The following CCSER1 variants were observed in gnomAD, a reference collection of about 807,000 sequenced individuals.
CCSER1 encodes the protein serine-rich coiled-coil domain-containing protein 1.
Under a neutral mutation model 82.0 loss-of-function variants are expected in CCSER1, and 41 were observed. That is an observed-to-expected ratio of 0.50 (90% confidence interval 0.39 to 0.65). The LOEUF (loss-of-function observed/expected upper bound fraction) is 0.65. Among genes scored for constraint, CCSER1 ranks in the 30% least tolerant of loss-of-function variants. The pLI is 0.00. For synonymous variants in CCSER1, 414 were observed against 383.9 expected, an observed-to-expected ratio of 1.08 and a Z score of -0.92; for missense variants, 1,119 against 1,064.2, an observed-to-expected ratio of 1.05 and a Z score of -0.72.
At chr4:90,372,812 T>C (rs1747670684) in intron 3 of CCSER1, among the ~76,000 whole-genome samples, 1 of 152,058 alleles carries the variant, frequency 6.6e-6, no homozygotes, top group African/African-American at 2.4e-5. Context: ...AAATGCCATG[T>C]CAATAGCCTG....
At chr4:90,360,435 G>T (rs1034436447) in intron 3 of CCSER1, among the ~76,000 whole-genome samples, 3 of 150,686 alleles carry the variant, frequency 2.0e-5, no homozygotes, top group South Asian at 2.1e-4. Context: ...GAGGCTGCTC[G>T]GGAGGCTGAG....
chr4:90,533,041 C>T (rs1395885674), intron 5 of CCSER1, among the ~76,000 whole-genome samples: 3 of 148,484 alleles, frequency 2.0e-5, no homozygotes, highest in Admixed American at 6.7e-5. Flanking sequence ...ACTATGGTCC[C>T]TTTGCATTTA....
At chr4:90,759,287 T>A (rs1750064637) in intron 7 of CCSER1, among the ~76,000 whole-genome samples, 1 of 152,240 alleles carries the variant, frequency 6.6e-6, no homozygotes, top group Non-Finnish European at 1.5e-5. Flanking sequence ...TGACGTTTTA[T>A]TTATCTCTGA....
chr4:90,780,349 T>C (rs1753601282), intron 7 of CCSER1: 2 of 1,277,850 alleles, frequency 1.6e-6, no homozygotes, highest in South Asian at 1.3e-5. Flanking sequence ...TTTAAGAACA[T>C]TTAAGTTTCA....
rs149151029 is a variant in CCSER1, at chr4:90,609,977, G to A, written c.1725-18048G>A. Among the ~76,000 whole-genome samples, 428 of 152,240 alleles carry A rather than the reference G, an allele frequency of 2.8e-3. 2 individuals are homozygous for A. The highest frequency in any genetic ancestry group is 5.1e-3 in the Non-Finnish European group (346 of 68,022). On this transcript the variant is annotated intron_variant, in intron 5 of 10. Transcript: ENST00000509176. Reference sequence around the variant, plus strand: ...TATCAATTTTAAAATGTGAGGCCAGGCGCGGTGGCTCATGCCTGTAATCCC... The same window carrying A: ...TATCAATTTTAAAATGTGAGGCCAGACGCGGTGGCTCATGCCTGTAATCCC...
chr4:90,389,079 A>G (rs547264067), intron 3 of CCSER1, among the ~76,000 whole-genome samples: 3 of 152,332 alleles, frequency 2.0e-5, no homozygotes, highest in South Asian at 4.1e-4. Flanking sequence ...AAGAACTACA[A>G]CGATTTTTAA....
At chr4:90,960,516 T>A (rs966033793) in intron 9 of CCSER1, among the ~76,000 whole-genome samples, 1 of 152,186 alleles carries the variant, frequency 6.6e-6, no homozygotes, top group Non-Finnish European at 1.5e-5. Flanking sequence ...TAAGCCAAGT[T>A]AGACAGAAGT....
At chr4:90,808,264 C>A (rs372081281) in intron 7 of CCSER1, among the ~76,000 whole-genome samples, 1 of 152,030 alleles carries the variant, frequency 6.6e-6, no homozygotes, top group African/African-American at 2.4e-5. Flanking sequence ...AGACTTAAAT[C>A]TAAGCCCTAA....
At chr4:90,893,776 C>CGTGTGT (rs35451218) in intron 8 of CCSER1, among the ~76,000 whole-genome samples, 86 of 108,124 alleles carry the variant, frequency 8.0e-4, no homozygotes, top group Admixed American at 2.1e-3. Flanking sequence ...TGTGTGTGTG[C>CGTGTGT]GTGTGTGTGT....
intron 10 of CCSER1, among the ~76,000 whole-genome samples, chr4:91,359,993 G>T (rs1749143706): frequency 6.6e-6 from 1 of 151,810 alleles, no homozygotes. Context: ...GCAAGGTTAG[G>T]TTTACACAAT....
At chr4:90,479,100 C>CT (rs534334762) in intron 5 of CCSER1, among the ~76,000 whole-genome samples, 23 of 148,388 alleles carry the variant, frequency 1.5e-4, no homozygotes, top group South Asian at 2.2e-4. Context: ...TGAAATCATT[C>CT]TTTTTTTTTT....
At chr4:90,861,542 C>T (rs1008893992) in intron 8 of CCSER1, among the ~76,000 whole-genome samples, 1 of 151,324 alleles carries the variant, frequency 6.6e-6, no homozygotes, top group African/African-American at 2.4e-5. Context: ...TAAAATTTGC[C>T]CTTGTAATAG....
At chr4:90,698,658 T>C (rs1283358527) in intron 6 of CCSER1, among the ~76,000 whole-genome samples, 2 of 152,208 alleles carry the variant, frequency 1.3e-5, no homozygotes, top group African/African-American at 4.8e-5. Context: ...ATTTGGGACA[T>C]GTTGGCAGGA....
chr4:91,306,498 G>A (rs960665509), intron 10 of CCSER1, among the ~76,000 whole-genome samples: 2 of 151,968 alleles, frequency 1.3e-5, no homozygotes, highest in Admixed American at 6.6e-5. Context: ...CTCTATACTT[G>A]TCAGCTTCCC....
At chr4:90,583,167 A>G (rs1781604778) in intron 5 of CCSER1, among the ~76,000 whole-genome samples, 1 of 151,828 alleles carries the variant, frequency 6.6e-6, no homozygotes, top group South Asian at 2.1e-4. Context: ...AAATTTGTGG[A>G]TATGTTTTTT....
chr4:90,154,589 C>T (rs1727649839), intron 1 of CCSER1, among the ~76,000 whole-genome samples: 1 of 148,436 alleles, frequency 6.7e-6, no homozygotes, highest in African/African-American at 2.5e-5. Context: ...TGAAGAGGTC[C>T]TTCACATCCC....
chr4:90,549,099 A>G (rs934758559), intron 5 of CCSER1, among the ~76,000 whole-genome samples: 5 of 152,112 alleles, frequency 3.3e-5, no homozygotes, highest in African/African-American at 1.2e-4. Flanking sequence ...GTGATGCCCA[A>G]CCACAATAGT....
chr4:90,406,463 A>G (rs1753741108), intron 4 of CCSER1, among the ~76,000 whole-genome samples: 1 of 152,212 alleles, frequency 6.6e-6, no homozygotes, highest in South Asian at 2.1e-4. Context: ...CAAGACAGAA[A>G]GTCAGCAAAG....
chr4:90,270,116 C>T (rs1476806344), intron 1 of CCSER1, among the ~76,000 whole-genome samples: 3 of 152,042 alleles, frequency 2.0e-5, no homozygotes, highest in Non-Finnish European at 4.4e-5. Flanking sequence ...ACCAGTCCCA[C>T]TGCAACTACT....
Sources: allele counts gnomAD v4.1 joint callset (sites outside exome capture counted in the v4.1 genomes callset), GRCh38; gene constraint gnomAD v4.1.1; transcripts MANE v1.5; gene names NCBI Gene and HGNC (gene_info 2026-07-23, HGNC 2026-07-21).